The following SORCS1 variants were observed in gnomAD, a reference collection of about 807,000 sequenced individuals.
The protein encoded by SORCS1 is VPS10 domain-containing receptor SorCS1.
In SORCS1, 60 loss-of-function variants were observed where a neutral mutation model predicts 146.1. The ratio of observed to expected loss-of-function variants is 0.41; its 90% CI spans 0.33 to 0.51. SORCS1 has a LOEUF of 0.51. SORCS1 is among the 20% of genes least tolerant of loss of function. SORCS1 has a pLI of 0.21. For synonymous variants in SORCS1, 637 were observed against 584.0 expected (o/e 1.09, Z -1.31); for missense variants, 1,352 against 1,487.6 (o/e 0.91, Z 1.50).
At chr10:106,585,177 T>C (rs917526014) in intron 24 of SORCS1, among the ~76,000 whole-genome samples, 1 of 150,766 alleles carries the variant, frequency 6.6e-6, no homozygotes, top group Admixed American at 6.6e-5. Flanking sequence ...TGAGCCAAGA[T>C]CGTGCCACTG....
chr10:106,887,070 T>C (rs1318769736), intron 2 of SORCS1, among the ~76,000 whole-genome samples: 7 of 152,200 alleles, frequency 4.6e-5, no homozygotes, highest in Non-Finnish European at 8.8e-5. Context: ...AACAGATTCA[T>C]AAACACCAAC....
At chr10:106,799,590 CAA>C (rs1315492723) in intron 3 of SORCS1, among the ~76,000 whole-genome samples, 3 of 152,072 alleles carry the variant, frequency 2.0e-5, no homozygotes, top group Admixed American at 1.3e-4. Context: ...AGACAATTCT[CAA>C]AAAAAGACAT....
At chr10:106,769,937 G>T (rs1273542699) in intron 4 of SORCS1, among the ~76,000 whole-genome samples, 2 of 151,866 alleles carry the variant, frequency 1.3e-5, no homozygotes, top group Non-Finnish European at 2.9e-5. Flanking sequence ...CTAAAAAAAT[G>T]CAAAAATTAG....
intron 2 of SORCS1, among the ~76,000 whole-genome samples, chr10:106,886,766 C>G (rs889610773): frequency 1.3e-5 from 2 of 152,208 alleles, no homozygotes; most frequent in Admixed American, 1.3e-4. Flanking sequence ...CCATAAAGCT[C>G]AGACAGATTT....
intron 24 of SORCS1, among the ~76,000 whole-genome samples, chr10:106,584,064 T>C (rs933452391): frequency 1.3e-5 from 2 of 152,170 alleles, no homozygotes; most frequent in African/African-American, 2.4e-5. Flanking sequence ...TATTCTTTTT[T>C]CCTCTCCTGA....
At chr10:106,747,875 T>C (rs935536008) in intron 5 of SORCS1, among the ~76,000 whole-genome samples, 2 of 152,238 alleles carry the variant, frequency 1.3e-5, no homozygotes, top group East Asian at 3.8e-4. Context: ...GATAACTATA[T>C]ATATATGTAT....
chr10:106,582,000 T>C (rs1378451294), intron 24 of SORCS1, among the ~76,000 whole-genome samples: 2 of 152,158 alleles, frequency 1.3e-5, no homozygotes. Context: ...ACCAGTGATA[T>C]GAAGCAACTA....
At chr10:106,843,493 G>A (rs1231739383) in intron 2 of SORCS1, among the ~76,000 whole-genome samples, 7 of 148,050 alleles carry the variant, frequency 4.7e-5, no homozygotes, top group African/African-American at 1.0e-4. Context: ...GTGCAGTGGC[G>A]CGATCTCGGC....
intron 5 of SORCS1, among the ~76,000 whole-genome samples, chr10:106,735,562 G>C (rs1300414230): frequency 6.6e-6 from 1 of 152,192 alleles, no homozygotes; most frequent in Non-Finnish European, 1.5e-5. Flanking sequence ...AGGATCAATG[G>C]ACAGAAGGAG....
At chr10:106,980,561 C>G (rs114079330) in intron 1 of SORCS1, among the ~76,000 whole-genome samples, 2 of 152,198 alleles carry the variant, frequency 1.3e-5, no homozygotes, top group Non-Finnish European at 2.9e-5. Context: ...GACTGCAAAT[C>G]AATGACAAGC....
At chr10:106,602,702 C>T (rs1468055240) in intron 23 of SORCS1, among the ~76,000 whole-genome samples, 1 of 152,140 alleles carries the variant, frequency 6.6e-6, no homozygotes, top group African/African-American at 2.4e-5. Context: ...GACACATTTG[C>T]TCTGGTCCAC....
chr10:106,880,635 G>C (rs1950771132), intron 2 of SORCS1, among the ~76,000 whole-genome samples: 2 of 152,118 alleles, frequency 1.3e-5, no homozygotes, highest in South Asian at 4.1e-4. Context: ...GTTTAGGTAA[G>C]GGAATTATAT....
chr10:106,650,415 CT>C (rs1326977184), intron 18 of SORCS1, among the ~76,000 whole-genome samples: 1 of 152,194 alleles, frequency 6.6e-6, no homozygotes, highest in Non-Finnish European at 1.5e-5. Flanking sequence ...AAATCTTTAT[CT>C]CCCCGAAGGG....
intron 1 of SORCS1, among the ~76,000 whole-genome samples, chr10:107,062,753 A>G (rs780295272): frequency 4.6e-5 from 7 of 151,916 alleles, no homozygotes; most frequent in Non-Finnish European, 1.5e-5. Flanking sequence ...TTACGTCAGT[A>G]TCTCTTTTCT....
chr10:107,124,108 A>G lies in SORCS1; in HGVS notation c.558+39861T>C, dbSNP rs561761888. On this transcript the variant is annotated intron_variant, in intron 1 of 25. Transcript: ENST00000263054. ...TCTCAAAAAAAAAAAAAAAGAAAAG[A>G]AAATGGAGACAATGCAAACTGTGAA... Among the ~76,000 whole-genome samples, 76 of 151,978 alleles carry G rather than the reference A, an allele frequency of 5.0e-4. 1 individual carries two copies. The highest frequency in any genetic ancestry group is 1.2e-3 in the South Asian group (6 of 4,818).
At chr10:107,110,843 C>A (rs1010205490) in intron 1 of SORCS1, among the ~76,000 whole-genome samples, 7 of 152,204 alleles carry the variant, frequency 4.6e-5, no homozygotes, top group African/African-American at 1.4e-4. Context: ...AACAGGCCTG[C>A]TGTCTGCATA....
At chr10:107,043,372 C>G (rs960472756) in intron 1 of SORCS1, among the ~76,000 whole-genome samples, 1 of 152,154 alleles carries the variant, frequency 6.6e-6, no homozygotes, top group Non-Finnish European at 1.5e-5. Context: ...GTAAGTCTTA[C>G]AATGTTGATT....
At chr10:107,011,818 TAAGTA>T (rs1334644210) in intron 1 of SORCS1, among the ~76,000 whole-genome samples, 3 of 152,188 alleles carry the variant, frequency 2.0e-5, no homozygotes, top group African/African-American at 7.2e-5. Flanking sequence ...ATGGAGATCC[TAAGTA>T]AAGAACCAGC....
intron 24 of SORCS1, among the ~76,000 whole-genome samples, chr10:106,584,429 C>T (rs979000786): frequency 2.6e-5 from 4 of 152,158 alleles, no homozygotes; most frequent in South Asian, 2.1e-4. Flanking sequence ...TCCTGGGTTC[C>T]TATGTAACCA....
Sources: allele counts gnomAD v4.1 joint callset (sites outside exome capture counted in the v4.1 genomes callset), GRCh38; gene constraint gnomAD v4.1.1; transcripts MANE v1.5; gene names NCBI Gene and HGNC (gene_info 2026-07-23, HGNC 2026-07-21).